PEX11G: variants seen among roughly 807,000 people sequenced by gnomAD.
The protein encoded by PEX11G is peroxisomal membrane protein 11C.
A neutral mutation model predicts 22.5 loss-of-function variants in PEX11G; 20 were observed. The ratio of observed to expected loss-of-function variants is 0.89; its 90% confidence interval spans 0.62 to 1.29. The LOEUF (loss-of-function observed/expected upper bound fraction) is 1.29. Among genes scored for constraint, PEX11G ranks in the 50% most tolerant of loss-of-function variants. The pLI is 0.00. For synonymous variants in PEX11G, 141 were observed against 154.5 expected (o/e 0.91, Z 0.65); for missense variants, 347 against 331.3 (o/e 1.05, Z -0.37).
chr19:7,490,456 C>A (rs11882653), upstream of PEX11G, among the ~76,000 whole-genome samples: 2 of 148,704 alleles, frequency 1.3e-5, no homozygotes, highest in Admixed American at 6.7e-5. Context: ...GAGTAGCTGG[C>A]ACTACTACAG....
At chr19:7,481,435 CAA>C (rs1977485565) in intron 3 of PEX11G, among the ~76,000 whole-genome samples, 1 of 152,170 alleles carries the variant, frequency 6.6e-6, no homozygotes, top group African/African-American at 2.4e-5. Context: ...CTCCTGGGCT[CAA>C]GTGATCCACC....
chr19:7,493,589 T>C (rs569138075), upstream of PEX11G, among the ~76,000 whole-genome samples: 3 of 151,868 alleles, frequency 2.0e-5, no homozygotes, highest in Non-Finnish European at 4.4e-5. Flanking sequence ...CACTGCTGCA[T>C]TGAACTCCTG....
At chr19:7,489,587 C>A, upstream of PEX11G, 1 of 825,346 alleles carries the variant, frequency 1.2e-6, no homozygotes, top group Non-Finnish European at 1.5e-6. Flanking sequence ...ACAACCATCA[C>A]CCCTTGCTAG....
rs376621423 is a variant in PEX11G, at chr19:7,477,242, G to T, written c.686C>A (p.Ala229Glu). 1 of 1,558,832 alleles carries T rather than the reference G, an allele frequency of 6.4e-7. No homozygotes were observed. ...CTCGGCCTGGCCGCCGGCCCGGGCCGCCTGGTACATGCTGAGGATTGAGGA... is the reference window on the plus strand; with the variant it reads ...CTCGGCCTGGCCGCCGGCCCGGGCCTCCTGGTACATGCTGAGGATTGAGGA... ...TISSILSMYQ[A>E]ARAGGQAEAT... is the part of the protein sequence containing the mutation. Residue 229 changes from alanine to glutamate, a missense_variant, in exon 5 of 5, where the codon GCG (alanine) becomes GAG (glutamate). Physicochemically the swap from Ala to Glu is moderately radical, Grantham distance 107 (BLOSUM62 -1). Coordinates refer to ENST00000221480, the MANE Select transcript of PEX11G (RefSeq NM_080662.4).
intron 1 of PEX11G, among the ~76,000 whole-genome samples, chr19:7,487,570 G>A (rs779713213): frequency 3.9e-5 from 6 of 151,958 alleles, no homozygotes; most frequent in East Asian, 1.9e-4. Flanking sequence ...CTACAGGCAC[G>A]CACCACCACA....
upstream of PEX11G, chr19:7,489,533 A>T: frequency 1.0e-6 from 1 of 974,454 alleles, no homozygotes; most frequent in Non-Finnish European, 1.2e-6. Context: ...TAAATAAAAA[A>T]TAAAAATGCA....
intron 2 of PEX11G, among the ~76,000 whole-genome samples, chr19:7,484,507 G>A (rs1000367855): frequency 3.3e-5 from 5 of 151,960 alleles, no homozygotes; most frequent in Middle Eastern, 3.4e-3. Context: ...GCACGGTGGC[G>A]CACACCTGTA....
chr19:7,482,085 A>G lies in PEX11G; in HGVS notation c.376T>C (p.Trp126Arg), dbSNP rs776608525. 3 of 1,606,418 alleles carry G rather than the reference A, an allele frequency of 1.9e-6. No homozygotes were observed. Among genetic ancestry groups the G allele is most frequent in the Admixed American group, 3.4e-5 (2 of 59,192 alleles). The change falls in exon 3 of 5, where the codon TGG becomes CGG. Residue 126 changes from tryptophan (W) to arginine (R), a missense_variant. Transcript: ENST00000221480. ...RVLHVDSSRW[W>R]TLSTTLWALS... ...GCCCACAGGGTTGTACTCAGCGTCC[A>G]CCACCGAGAAGAGTCCACGTGGAGG...
chr19:7,491,356 G>A (rs1474713461), upstream of PEX11G, among the ~76,000 whole-genome samples: 3 of 136,896 alleles, frequency 2.2e-5, no homozygotes, highest in South Asian at 2.4e-4. Context: ...GGCAGCCTCC[G>A]CCTCCCAAGT....
intron 3 of PEX11G, among the ~76,000 whole-genome samples, chr19:7,479,343 G>A (rs1977383657): frequency 6.6e-6 from 1 of 152,204 alleles, no homozygotes; most frequent in Admixed American, 6.5e-5. Context: ...AATTAGCTGG[G>A]GGTGGTGGTG....
chr19:7,486,571 G>A (rs772317317), intron 1 of PEX11G, among the ~76,000 whole-genome samples: 16 of 152,086 alleles, frequency 1.1e-4, no homozygotes, highest in Non-Finnish European at 2.4e-4. Context: ...AGACCAGCCT[G>A]GGCAACATAG....
chr19:7,485,501 G>A (rs982267828), intron 2 of PEX11G, among the ~76,000 whole-genome samples: 5 of 152,214 alleles, frequency 3.3e-5, no homozygotes, highest in East Asian at 1.9e-4. Context: ...GACTGCAGGC[G>A]CCTGCAACCA....
chr19:7,482,324 GT>G, intron 2 of PEX11G, 113 bp from the exon 3 acceptor site: 1 of 1,251,958 alleles, frequency 8.0e-7, no homozygotes, highest in Non-Finnish European at 1.1e-6. Flanking sequence ...TCCCTGGGCC[GT>G]GTCCAGGCCT....
At chr19:7,493,576 C>T (rs1005966663), upstream of PEX11G, among the ~76,000 whole-genome samples, 1 of 152,012 alleles carries the variant, frequency 6.6e-6, no homozygotes, top group Non-Finnish European at 1.5e-5. Flanking sequence ...ATGATCATAG[C>T]ACCACTGCTG....
At chr19:7,493,215 CAG>C (rs1362450113), upstream of PEX11G, 1 of 151,276 alleles carries the variant, frequency 6.6e-6, no homozygotes, top group African/African-American at 2.4e-5. Flanking sequence ...TGTTTTTAAA[CAG>C]AGTCTCACTC....
Position 7,477,218 on chromosome 19 carries a change from T to A in PEX11G, c.710A>T (p.Glu237Val), listed in dbSNP as rs1977255463. ...YQAARAGGQAEATTP is the reference protein window; with the variant it reads ...YQAARAGGQAVATTP ...CCGGCAGTGTCAGGGGGTAGTGGCC[T>A]CGGCCTGGCCGCCGGCCCGGGCCGC... Residue 237 changes from glutamate (E) to valine (V), a missense_variant, in exon 5 of 5, where the codon GAG becomes GTG. Coordinates refer to ENST00000221480, the MANE Select transcript of PEX11G (RefSeq NM_080662.4). 18 of 1,516,010 alleles carry A rather than the reference T, an allele frequency of 1.2e-5. No individual in the cohort carries two copies. Among genetic ancestry groups the A allele is most frequent in the Non-Finnish European group, 1.4e-5 (16 of 1,135,594 alleles). The allele number at this position is 1,516,010 out of a possible 1,614,324, so 93.9% of individuals were successfully genotyped here. A position where few individuals can be genotyped will look rare whatever the true frequency, so the allele number is the denominator to read the frequency against.
intron 2 of PEX11G, among the ~76,000 whole-genome samples, chr19:7,485,166 T>A (rs948492377): frequency 2.3e-4 from 33 of 144,502 alleles, no homozygotes; most frequent in East Asian, 5.9e-4. Context: ...ATAAAAAAAA[T>A]TTTTTTTGTT....
intron 1 of PEX11G, among the ~76,000 whole-genome samples, chr19:7,486,445 A>G (rs956427991): frequency 4.0e-5 from 6 of 151,524 alleles, no homozygotes; most frequent in Non-Finnish European, 2.9e-5. Flanking sequence ...GGAAGATTCT[A>G]AATCTACAAA....
chr19:7,492,154 G>A (rs1418885840), upstream of PEX11G, among the ~76,000 whole-genome samples: 3 of 152,134 alleles, frequency 2.0e-5, no homozygotes, highest in Admixed American at 2.0e-4. Flanking sequence ...ATATGTAGTT[G>A]GAGTCCCTGG....
Sources: allele counts gnomAD v4.1 joint callset (sites outside exome capture counted in the v4.1 genomes callset), GRCh38; gene constraint gnomAD v4.1.1; transcripts MANE v1.5; gene names NCBI Gene and HGNC (gene_info 2026-07-23, HGNC 2026-07-21).